PLA2R1: variants seen among roughly 807,000 people sequenced by gnomAD.
The protein encoded by PLA2R1 is secretory phospholipase A2 receptor.
A neutral mutation model predicts 195.9 loss-of-function variants in PLA2R1; 158 were observed. That is an observed-to-expected ratio of 0.81 (90% CI 0.71 to 0.92). The LOEUF (loss-of-function observed/expected upper bound fraction) is 0.92. Ranked by LOEUF, PLA2R1 falls within the 40% of genes least tolerant of loss-of-function variation. The probability of loss-of-function intolerance (pLI) is 0.00; values close to 1 mark genes in which losing one functional copy is unlikely to be tolerated. For synonymous variants in PLA2R1, 586 were observed against 598.2 expected, an observed-to-expected ratio of 0.98 and a Z score of 0.30; for missense variants, 1,626 against 1,764.6, an observed-to-expected ratio of 0.92 and a Z score of 1.41.
intron 11 of PLA2R1, among the ~76,000 whole-genome samples, chr2:160,005,329 G>A (rs1337261569): frequency 6.6e-6 from 1 of 152,132 alleles, no homozygotes; most frequent in Non-Finnish European, 1.5e-5. Flanking sequence ...CAGCTACTGG[G>A]GAGGCTGAGG....
intron 6 of PLA2R1, 38 bp from the exon 7 acceptor site, chr2:160,022,897 A>T (rs1348554504): frequency 7.1e-7 from 1 of 1,417,818 alleles, no homozygotes; most frequent in Non-Finnish European, 9.7e-7. Flanking sequence ...ATTTTCCACA[A>T]TTATTTTAAC....
intron 20 of PLA2R1, among the ~76,000 whole-genome samples, chr2:159,964,168 A>G (rs1688634868): frequency 6.6e-6 from 1 of 152,192 alleles, no homozygotes; most frequent in South Asian, 2.1e-4. Context: ...TGAGTTCGCT[A>G]ATATGAAATA....
rs373965427 is a variant in PLA2R1, at chr2:160,016,476, G to GC, written c.1551+137_1551+138insG. On this transcript the variant is annotated intron_variant, in intron 9 of 29. Coordinates refer to ENST00000283243, the MANE Select transcript of PLA2R1 (RefSeq NM_007366.5). ...AAAAAAGAGGAAAGGAAAGAAGGGG[G>GC]GGGTGCGAGGAGAGAGAGAGAGATG... 1.0e-5 allele frequency: 6 copies of GC among 583,750 alleles called. No homozygotes were observed. The Admixed American group carries it at 1.6e-4, about 15-fold the overall frequency. The allele number at this position is 583,750 out of a possible 1,614,324, so 36.2% of individuals were successfully genotyped here.
intron 9 of PLA2R1, 32 bp downstream of exon 9, chr2:160,016,582 T>G: frequency 9.6e-7 from 1 of 1,040,114 alleles, no homozygotes; most frequent in Non-Finnish European, 1.5e-6. Context: ...ATGAAGTCCC[T>G]GTACCTAAAT....
Position 160,042,177 on chromosome 2 carries a change from T to C in PLA2R1, c.515A>G (p.Asn172Ser), listed in dbSNP as rs768048390. ...AAACATACACGGCATCCCGTGGGTG[T>C]TCCCTTTGATTGTATGCAAATCTAG... is the stretch of plus-strand genomic sequence containing the variant. ...LHKDLHTIKG[N>S]THGMPCMFPF... Residue 172 changes from asparagine (N) to serine (S), a missense_variant, in exon 3 of 30, where the codon AAC becomes AGC. Transcript: ENST00000283243. 5 of 1,613,806 alleles carry C rather than the reference T, an allele frequency of 3.1e-6. No homozygotes were observed. Among genetic ancestry groups the C allele is most frequent in the Admixed American group, 1.7e-5 (1 of 60,018 alleles).
At chr2:160,009,031 T>C (rs1692177950) in intron 10 of PLA2R1, among the ~76,000 whole-genome samples, 1 of 152,144 alleles carries the variant, frequency 6.6e-6, no homozygotes. Flanking sequence ...ATGGCTATTA[T>C]CAAAACAAAA....
chr2:160,016,628 AT>A lies in PLA2R1; in HGVS notation c.1536del (p.Glu512AspfsTer39). The part of the protein sequence containing the change: ...KKAGHVLSDA[E>X]SGCQEGWERH... ...ACAGCACTTACCTCTTGACATCCTG[AT>A]TCAGCATCAGAGAGGACATGGCCTG... On this transcript the variant is annotated frameshift_variant, in exon 9 of 30. Coordinates refer to ENST00000283243, the MANE Select transcript of PLA2R1 (RefSeq NM_007366.5). LOFTEE classifies it high-confidence loss of function. 3 of 1,588,144 alleles carry A rather than the reference AT, an allele frequency of 1.9e-6. No individual in the cohort carries two copies. Among genetic ancestry groups the A allele is most frequent in the Non-Finnish European group, 2.6e-6 (3 of 1,156,324 alleles).
rs1693219895 is a variant in PLA2R1 at position 160,022,679 on chromosome 2, G to A, written c.1280C>T (p.Thr427Ile). 1.9e-6 allele frequency: 3 copies of A among 1,595,266 alleles called. No homozygotes were observed. Among genetic ancestry groups the A allele is most frequent in the African/African-American group, 2.7e-5 (2 of 74,482 alleles). ...TSLAEVEFLV[T>I]LLGDENASET... Reference sequence around the variant, plus strand: ...CTGGGACTCACCATCTCCAAGGAGGGTTACAAGAAACTCCACCTCTGCTAA... The same window carrying A: ...CTGGGACTCACCATCTCCAAGGAGGATTACAAGAAACTCCACCTCTGCTAA... The change falls in exon 7 of 30, where the codon ACC (threonine) becomes ATC (isoleucine). Residue 427 changes from threonine (T) to isoleucine (I), a missense_variant. By Grantham distance (89) the Thr-to-Ile change is moderately conservative. Coordinates refer to ENST00000283243, the MANE Select transcript of PLA2R1 (RefSeq NM_007366.5).
intron 9 of PLA2R1, among the ~76,000 whole-genome samples, chr2:160,013,731 G>GTC (rs1281222988): frequency 1.4e-5 from 2 of 138,790 alleles, no homozygotes; most frequent in African/African-American, 5.2e-5. Flanking sequence ...CTGTGTGTGT[G>GTC]TGTGTGTGTG....
At chr2:160,020,071 A>G in intron 8 of PLA2R1, 35 bp downstream of exon 8, 2 of 1,564,732 alleles carry the variant, frequency 1.3e-6, no homozygotes, top group South Asian at 2.3e-5. Flanking sequence ...GTACAAGACC[A>G]GCAAAGTGAG....
rs534002248 is a variant in PLA2R1 at position 160,009,505 on chromosome 2, AT to A, written c.1665-3685del. ...TAAACTCACAGAGACAGAAAATAGA[AT>A]AGTAGTTGCCAGGGTCTGGGAGGAG... is the stretch of plus-strand genomic sequence containing the variant. On this transcript the variant is annotated intron_variant, in intron 10 of 29. Transcript: ENST00000283243. Among the ~76,000 whole-genome samples, 1,418 of 152,324 alleles carry A rather than the reference AT, an allele frequency of 9.3e-3. 4 individuals carry two copies. Among genetic ancestry groups the A allele is most frequent in the Non-Finnish European group, 0.012 (836 of 68,030 alleles).
chr2:160,019,825 C>T (rs575048145), intron 8 of PLA2R1, among the ~76,000 whole-genome samples: 1 of 152,150 alleles, frequency 6.6e-6, no homozygotes, highest in African/African-American at 2.4e-5. Flanking sequence ...TTTTTTAAGT[C>T]CAAGCTTAAA....
intron 20 of PLA2R1, among the ~76,000 whole-genome samples, chr2:159,960,542 C>A (rs183662109): frequency 2.0e-5 from 3 of 152,108 alleles, no homozygotes; most frequent in Non-Finnish European, 4.4e-5. Context: ...ATTGACTAAT[C>A]CCAAACTAGA....
rs1293028068 is a variant in PLA2R1, at chr2:160,015,443, A to G, written c.1551+1171T>C. Among the ~76,000 whole-genome samples the G allele has an allele frequency of 2.6e-5, 4 of 152,240 alleles. No individual in the cohort carries two copies. In the East Asian group the frequency reaches 7.7e-4, roughly 29 times the overall value. On this transcript the variant is annotated intron_variant, in intron 9 of 29. Coordinates refer to ENST00000283243, the MANE Select transcript of PLA2R1 (RefSeq NM_007366.5). ...TCACAAAGCTAGAGAATTGGCTATG[A>G]ACTCAGAAACTTTAAATACTGGTAA...
At chr2:159,992,341 A>G (rs1690873355) in intron 11 of PLA2R1, among the ~76,000 whole-genome samples, 1 of 151,852 alleles carries the variant, frequency 6.6e-6, no homozygotes, top group African/African-American at 2.4e-5. Context: ...TCAATGTACA[A>G]AAATCACAAG....
rs764089435 is a variant in PLA2R1, at chr2:159,987,261, CTTGCACAAGGACA to C, written c.1919_1931del (p.Met640SerfsTer44). 6.8e-6 allele frequency: 11 copies of C among 1,613,442 alleles called. No homozygotes were observed. Among genetic ancestry groups the C allele is most frequent in the African/African-American group, 4.0e-5 (3 of 74,916 alleles). ...CTTTTTCCTGATTTTCAACTGGCTG[CTTGCACAAGGACA>C]TTGCCTTAAAGTGCCGACAGTGCTT... is the stretch of plus-strand genomic sequence containing the variant. On this transcript the variant is annotated frameshift_variant, in exon 12 of 30. Transcript: ENST00000283243. LOFTEE classifies it high-confidence loss of function.
chr2:159,979,884 A>C lies in PLA2R1; in HGVS notation c.2214T>G (p.Phe738Leu), dbSNP rs1433411031. The C allele has an allele frequency of 6.2e-7, 1 of 1,607,176 alleles. No individual in the cohort carries two copies. Among genetic ancestry groups the C allele is most frequent in the South Asian group, 1.1e-5 (1 of 90,812 alleles). The change falls in exon 14 of 30, where the codon TTT becomes TTG. Residue 738 changes from phenylalanine (F) to leucine (L), a missense_variant. Physicochemically the swap from Phe to Leu is conservative, Grantham distance 22 (BLOSUM62 0). Coordinates refer to ENST00000283243, the MANE Select transcript of PLA2R1 (RefSeq NM_007366.5). ...WTEERQFWIG[F>L]NKRNPLNAGS... is the part of the protein sequence containing the mutation. ...CGGCATTCAGTGGGTTTCTTTTATT[A>C]AATCCAATCCAGAACTGCCTTTCTT...
intron 3 of PLA2R1, among the ~76,000 whole-genome samples, chr2:160,039,947 T>C (rs1694419172): frequency 7.1e-6 from 1 of 140,668 alleles, no homozygotes; most frequent in Non-Finnish European, 1.5e-5. Flanking sequence ...AAGAATATTG[T>C]AGTTTTTTTT....
At chr2:159,944,547 G>T (rs1183208487) in intron 28 of PLA2R1, among the ~76,000 whole-genome samples, 1 of 152,190 alleles carries the variant, frequency 6.6e-6, no homozygotes, top group African/African-American at 2.4e-5. Context: ...TATTTCCTGA[G>T]GCCAAACATA....
Sources: gnomAD v4.1 joint callset for allele counts (sites outside exome capture counted in the v4.1 genomes callset) on GRCh38, gnomAD v4.1.1 for gene constraint, MANE v1.5 for transcripts, NCBI Gene and HGNC (gene_info 2026-07-23, HGNC 2026-07-21) for gene names.